Variants in GBE1 observed in about 807,000 individuals in gnomAD.
The protein encoded by GBE1 is 1,4-alpha-glucan branching enzyme 1.
Under a neutral mutation model 88.8 loss-of-function variants are expected in GBE1, and 70 were observed. That is an observed-to-expected ratio of 0.79 (90% confidence interval 0.65 to 0.96). The LOEUF is 0.96. Among genes scored for constraint, GBE1 ranks in the 40% least tolerant of loss-of-function variants. GBE1 has a pLI of 0.00. For synonymous variants in GBE1, 284 were observed against 300.1 expected, an observed-to-expected ratio of 0.95 and a Z score of 0.56; for missense variants, 872 against 871.0, an observed-to-expected ratio of 1.00 and a Z score of -0.01.
At chr3:81,534,123 CATTGTT>C (rs1256891687) in intron 14 of GBE1, among the ~76,000 whole-genome samples, 2 of 151,944 alleles carry the variant, frequency 1.3e-5, no homozygotes, top group Non-Finnish European at 2.9e-5. Flanking sequence ...AGATGCTAAT[CATTGTT>C]AGGGCTTCAG....
At chr3:81,633,325 T>A (rs1704544480) in intron 7 of GBE1, among the ~76,000 whole-genome samples, 1 of 152,088 alleles carries the variant, frequency 6.6e-6, no homozygotes, top group South Asian at 2.1e-4. Flanking sequence ...TAAACTATAA[T>A]CTTATTAGTA....
chr3:81,586,383 G>A (rs1703803601), intron 9 of GBE1, among the ~76,000 whole-genome samples, 193 bp from the exon 10 acceptor site: 1 of 152,104 alleles, frequency 6.6e-6, no homozygotes, highest in Non-Finnish European at 1.5e-5. Flanking sequence ...TTCACTCCAG[G>A]CAAACTTTGA....
chr3:81,509,540 C>A (rs1012372852), intron 14 of GBE1: 7 of 151,938 alleles, frequency 4.6e-5, no homozygotes, highest in African/African-American at 1.7e-4. Context: ...GAATTTTTGT[C>A]TCTCACTATT....
intron 7 of GBE1, among the ~76,000 whole-genome samples, chr3:81,605,585 G>A (rs1195177075): frequency 6.6e-6 from 1 of 152,176 alleles, no homozygotes; most frequent in Non-Finnish European, 1.5e-5. Flanking sequence ...TATATTGAAT[G>A]CTTACTAAAT....
At chr3:81,761,097 G>C (rs954411973) in intron 1 of GBE1, among the ~76,000 whole-genome samples, 1 of 152,234 alleles carries the variant, frequency 6.6e-6, no homozygotes, top group Admixed American at 6.5e-5. Context: ...GCCACAGCAC[G>C]TACCCTATGG....
intron 1 of GBE1, among the ~76,000 whole-genome samples, chr3:81,724,078 C>A (rs1706074958): frequency 6.6e-6 from 1 of 152,132 alleles, no homozygotes; most frequent in African/African-American, 2.4e-5. Context: ...CCATCAAGAA[C>A]TGGGCAGCTC....
chr3:81,593,400 T>TAATAATAA (rs1559655862), intron 8 of GBE1, among the ~76,000 whole-genome samples: 2 of 149,128 alleles, frequency 1.3e-5, no homozygotes, highest in Non-Finnish European at 3.0e-5. Context: ...ATAATAATAA[T>TAATAATAA]TGTTCCCATG....
At chr3:81,590,174 C>T (rs1343306116) in intron 9 of GBE1, among the ~76,000 whole-genome samples, 2 of 151,842 alleles carry the variant, frequency 1.3e-5, no homozygotes. Context: ...GATATAAAAA[C>T]AGTCTATACA....
At chr3:81,627,500 A>G (rs1193381542) in intron 7 of GBE1, among the ~76,000 whole-genome samples, 2 of 152,138 alleles carry the variant, frequency 1.3e-5, no homozygotes, top group African/African-American at 4.8e-5. Flanking sequence ...AATGGAGGTG[A>G]ATAATAACAG....
At chr3:81,673,747 C>T (rs1705219914) in intron 2 of GBE1, among the ~76,000 whole-genome samples, 2 of 151,876 alleles carry the variant, frequency 1.3e-5, no homozygotes, top group African/African-American at 2.4e-5. Flanking sequence ...CTCCAAAGCA[C>T]ATGCTGATTA....
intron 2 of GBE1, among the ~76,000 whole-genome samples, chr3:81,690,481 TA>T (rs1169801420): frequency 2.6e-5 from 4 of 152,210 alleles, no homozygotes; most frequent in African/African-American, 9.7e-5. Context: ...ACATGTGCAT[TA>T]AATAAACAGT....
intron 1 of GBE1, among the ~76,000 whole-genome samples, chr3:81,740,646 T>C (rs1480378825): frequency 6.6e-6 from 1 of 152,072 alleles, no homozygotes; most frequent in Non-Finnish European, 1.5e-5. Context: ...TTATAAGATT[T>C]TGCTGTCTTT....
At chr3:81,713,313 T>C (rs773748454) in intron 1 of GBE1, among the ~76,000 whole-genome samples, 5 of 152,186 alleles carry the variant, frequency 3.3e-5, no homozygotes, top group Non-Finnish European at 5.9e-5. Context: ...GAGAAGCGCA[T>C]TACATGTGTA....
chr3:81,648,608 G>T (rs1411567492), intron 5 of GBE1, among the ~76,000 whole-genome samples: 1 of 152,010 alleles, frequency 6.6e-6, no homozygotes, highest in Non-Finnish European at 1.5e-5. Flanking sequence ...AATTTTGGAA[G>T]TCATCAGTTC....
At chr3:81,500,396 T>C (rs1462996056) in intron 14 of GBE1, among the ~76,000 whole-genome samples, 1 of 152,078 alleles carries the variant, frequency 6.6e-6, no homozygotes, top group Admixed American at 6.6e-5. Flanking sequence ...ATCAAAGACA[T>C]GGCAAATAAT....
At chr3:81,564,631 C>G (rs1351134487) in intron 12 of GBE1, among the ~76,000 whole-genome samples, 1 of 152,058 alleles carries the variant, frequency 6.6e-6, no homozygotes, top group Admixed American at 6.6e-5. Context: ...GCAATGTTCT[C>G]TAAAGTGACT....
At chr3:81,670,093 T>A (rs1705168911) in intron 3 of GBE1, among the ~76,000 whole-genome samples, 1 of 152,084 alleles carries the variant, frequency 6.6e-6, no homozygotes, top group African/African-American at 2.4e-5. Context: ...TGGAGTAAAA[T>A]CAAGTAAGTG....
chr3:81,603,210 A>G (rs1276524482), intron 7 of GBE1, among the ~76,000 whole-genome samples: 1 of 152,184 alleles, frequency 6.6e-6, no homozygotes, highest in Admixed American at 6.5e-5. Flanking sequence ...AATTGCTTAT[A>G]ATTCATTAAA....
intron 9 of GBE1, among the ~76,000 whole-genome samples, chr3:81,590,330 A>T (rs75106514): frequency 1.5e-3 from 227 of 152,224 alleles, no homozygotes; most frequent in African/African-American, 5.3e-3. Flanking sequence ...TGTATAGAAC[A>T]GTTTTAACAT....
Sources: gnomAD v4.1 joint callset for allele counts (sites outside exome capture counted in the v4.1 genomes callset) on GRCh38, gnomAD v4.1.1 for gene constraint, MANE v1.5 for transcripts, NCBI Gene and HGNC (gene_info 2026-07-23, HGNC 2026-07-21) for gene names.